The following IL34 variants were observed in gnomAD, a reference collection of about 807,000 sequenced individuals.
IL34 encodes the protein interleukin 34.
IL34 carries 17 observed loss-of-function variants against 25.3 expected under a neutral mutation model. The observed-to-expected ratio is 0.67, with a 90% CI of 0.46 to 1.01. The LOEUF is 1.01. Among genes scored for constraint, IL34 ranks in the 50% least tolerant of loss-of-function variants. IL34 has a pLI of 0.00. For missense variants in IL34, 368 were observed against 312.9 expected (o/e 1.18, Z -1.33); for synonymous variants, 174 against 140.9 (o/e 1.23, Z -1.66).
At chr16:70,656,857 G>A (rs745715152) in intron 3 of IL34, 103 bp from the exon 4 acceptor site, 13 of 1,308,772 alleles carry the variant, frequency 9.9e-6, no homozygotes, top group Admixed American at 1.8e-5. Context: ...ACAGCGGACG[G>A]CCCGCGTCTG....
At chr16:70,623,390 C>T (rs1021684542) in intron 1 of IL34, among the ~76,000 whole-genome samples, 5 of 151,982 alleles carry the variant, frequency 3.3e-5, no homozygotes, top group Non-Finnish European at 7.4e-5. Flanking sequence ...AGGCACAGAT[C>T]CTGAACTAAC....
At position 70,608,198 on chromosome 16, in the gene IL34, G is replaced by A. The variant is rs548152984; in HGVS notation, c.-401+28149G>A. ...GGCTGGAGGGCAGTGGTGTGCTCTC[G>A]GCTCACTGCAACCTCTGACTCCCGG... is the stretch of plus-strand genomic sequence containing the variant. On this transcript the variant is annotated intron_variant, in intron 1 of 6. Coordinates refer to the IL34 transcript ENST00000429149. Among the ~76,000 whole-genome samples, 50 of 144,722 alleles carry A rather than the reference G, an allele frequency of 3.5e-4. No individual in the cohort carries two copies. In the South Asian group the frequency reaches 4.1e-3, roughly 12 times the overall value. 94.9% of individuals were successfully genotyped at this position (144,722 alleles called of 152,430 possible). A position where few individuals can be genotyped will look rare whatever the true frequency, so the allele number is the denominator to read the frequency against.
chr16:70,643,275 G>C (rs2051829985), upstream of IL34, among the ~76,000 whole-genome samples: 1 of 152,148 alleles, frequency 6.6e-6, no homozygotes, highest in South Asian at 2.1e-4. Flanking sequence ...TATTGGCCAG[G>C]CTGGTCTCGA....
chr16:70,625,616 C>T (rs560219476), intron 1 of IL34, among the ~76,000 whole-genome samples: 1 of 152,182 alleles, frequency 6.6e-6, no homozygotes, highest in Non-Finnish European at 1.5e-5. Flanking sequence ...ACCTTTGAAA[C>T]GTGGGTGAAT....
chr16:70,597,503 TG>T (rs1168707785), intron 1 of IL34, among the ~76,000 whole-genome samples: 1 of 152,150 alleles, frequency 6.6e-6, no homozygotes, highest in Non-Finnish European at 1.5e-5. Flanking sequence ...TTAAAAGTGC[TG>T]GGGTTATAAG....
intron 1 of IL34, among the ~76,000 whole-genome samples, chr16:70,621,894 G>A (rs930220924): frequency 2.0e-5 from 3 of 151,886 alleles, no homozygotes; most frequent in African/African-American, 7.2e-5. Flanking sequence ...ATCAGTTAAG[G>A]CAAGGACCGG....
At chr16:70,629,703 CTTTTTT>C (rs753038665) in intron 1 of IL34, among the ~76,000 whole-genome samples, 1 of 140,536 alleles carries the variant, frequency 7.1e-6, no homozygotes, top group Admixed American at 7.2e-5. Flanking sequence ...ACATTTTTTT[CTTTTTT>C]TTTTTAATTT....
rs769750203 is a variant in IL34, at chr16:70,657,090, C to T, written c.371C>T (p.Thr124Met). 1.1e-5 allele frequency: 18 copies of T among 1,612,902 alleles called. No homozygotes were observed. The highest frequency in any genetic ancestry group is 5.0e-5 in the Admixed American group (3 of 59,978). The change falls in exon 4 of 6, where the codon ACG (threonine) becomes ATG (methionine). Residue 124 changes from threonine to methionine, a missense_variant. Coordinates refer to ENST00000288098, the MANE Select transcript of IL34 (RefSeq NM_001393494.1). ...PSWKYLQEVE[T>M]LLLNVQQGLT... ...TGGAAGTACCTGCAGGAGGTGGAGA[C>T]GCTGCTGCTGAATGTCCAGCAGGGC...
At chr16:70,655,333 G>A (rs960762492) in intron 2 of IL34, among the ~76,000 whole-genome samples, 3 of 152,036 alleles carry the variant, frequency 2.0e-5, no homozygotes, top group Non-Finnish European at 4.4e-5. Context: ...TTACAGGCGT[G>A]AGCCACTGCG....
At chr16:70,624,528 C>T (rs972023054) in intron 1 of IL34, among the ~76,000 whole-genome samples, 3 of 152,064 alleles carry the variant, frequency 2.0e-5, no homozygotes, top group Non-Finnish European at 4.4e-5. Context: ...CTTTTAGGGT[C>T]TAGGGCTGTA....
At chr16:70,608,651 C>A (rs2051046810) in intron 1 of IL34, among the ~76,000 whole-genome samples, 1 of 152,218 alleles carries the variant, frequency 6.6e-6, no homozygotes, top group South Asian at 2.1e-4. Flanking sequence ...CAACTCTGAG[C>A]AGCACAGGTG....
Position 70,624,713 on chromosome 16 carries a change from G to C in IL34, c.-400-21835G>C, listed in dbSNP as rs146009727. Among the ~76,000 whole-genome samples the C allele has an allele frequency of 5.9e-3, 901 of 152,096 alleles. 8 individuals are homozygous for C. The highest frequency in any genetic ancestry group is 0.017 in the Middle Eastern group (5 of 294). On this transcript the variant is annotated intron_variant, in intron 1 of 6. Transcript: ENST00000429149. The stretch of plus-strand genomic sequence containing the variant: ...ATAAATTGCTGGACAGGTGGGGAAG[G>C]GCTAGTCACTGAACGAAACTATAAG...
intron 1 of IL34, among the ~76,000 whole-genome samples, chr16:70,627,495 T>G (rs1301811450): frequency 6.8e-6 from 1 of 146,978 alleles, no homozygotes; most frequent in Admixed American, 6.8e-5. Context: ...TCTTTCTCTT[T>G]CTTTGAGACA....
intron 1 of IL34, among the ~76,000 whole-genome samples, chr16:70,647,546 C>T (rs993298706): frequency 1.3e-5 from 2 of 152,256 alleles, no homozygotes; most frequent in African/African-American, 4.8e-5. Context: ...CTTATGCCTG[C>T]TGGCTGGGAG....
upstream of IL34, among the ~76,000 whole-genome samples, chr16:70,642,361 G>C (rs1427733877): frequency 7.1e-6 from 1 of 141,378 alleles, no homozygotes; most frequent in Non-Finnish European, 1.5e-5. Flanking sequence ...GCAGTGGCAT[G>C]ATCTCGGCTC....
intron 4 of IL34, among the ~76,000 whole-genome samples, chr16:70,658,339 C>A (rs779899523): frequency 1.1e-4 from 16 of 151,988 alleles, no homozygotes; most frequent in Non-Finnish European, 4.4e-5. Context: ...CATTTTATTT[C>A]TTTTTTATTG....
At chr16:70,615,994 T>C (rs1183004212) in intron 1 of IL34, among the ~76,000 whole-genome samples, 1 of 152,154 alleles carries the variant, frequency 6.6e-6, no homozygotes, top group African/African-American at 2.4e-5. Context: ...TCCACAGATA[T>C]TTATAGATAA....
At chr16:70,629,747 T>C (rs1030212462) in intron 1 of IL34, among the ~76,000 whole-genome samples, 9 of 152,186 alleles carry the variant, frequency 5.9e-5, no homozygotes, top group Admixed American at 1.3e-4. Flanking sequence ...ATAGTAGATA[T>C]ATATATTTAT....
Position 70,595,104 on chromosome 16 carries a change from G to A in IL34, c.-401+15055G>A, listed in dbSNP as rs551810161. On this transcript the variant is annotated intron_variant, in intron 1 of 6. Transcript: ENST00000429149. ...CAAGTAGCTGGGGTAACAGGCGCCC[G>A]CCACCACACCCAACTAATTTTTTTT... Among the ~76,000 whole-genome samples the A allele has an allele frequency of 1.3e-4, 20 of 151,786 alleles. 2 individuals carry two copies. The South Asian group carries it at 4.2e-3, about 32-fold the overall frequency.
Sources: allele counts gnomAD v4.1 joint callset (sites outside exome capture counted in the v4.1 genomes callset), GRCh38; gene constraint gnomAD v4.1.1; transcripts MANE v1.5; gene names NCBI Gene and HGNC (gene_info 2026-07-23, HGNC 2026-07-21).